Variants in LINGO2 observed in about 807,000 individuals in gnomAD.
LINGO2 encodes the protein leucine rich repeat and Ig domain containing 2, also known as leucine-rich repeat and immunoglobulin-like domain-containing nogo receptor-interacting protein 2.
Under a neutral mutation model 30.6 loss-of-function variants are expected in LINGO2, and 14 were observed. The observed-to-expected ratio is 0.46, with a 90% confidence interval of 0.30 to 0.72. LINGO2 has a LOEUF of 0.72. LINGO2 is among the 30% of genes least tolerant of loss of function. The pLI is 0.07. For synonymous variants in LINGO2, 317 were observed against 288.5 expected (o/e 1.10, Z -1.00); for missense variants, 729 against 751.7 (o/e 0.97, Z 0.35).
chr9:28,421,438 T>A (rs1823192886), intron 2 of LINGO2, among the ~76,000 whole-genome samples: 1 of 149,344 alleles, frequency 6.7e-6, no homozygotes, highest in Admixed American at 6.7e-5. Context: ...AAAGCCATCC[T>A]AAAATTCATT....
At chr9:28,979,882 G>A in the LINGO2 span, among the ~76,000 whole-genome samples, 2 of 151,906 alleles carry the variant, frequency 1.3e-5, no homozygotes, top group Admixed American at 1.3e-4. Flanking sequence ...ACATTATATT[G>A]CCGTTCAAAT....
the LINGO2 span, among the ~76,000 whole-genome samples, chr9:28,760,681 G>A: frequency 6.6e-6 from 1 of 151,320 alleles, no homozygotes; most frequent in South Asian, 2.1e-4. Flanking sequence ...AGTCCCCAAA[G>A]TCCATTGTAT....
intron 5 of LINGO2, among the ~76,000 whole-genome samples, chr9:27,989,301 T>G (rs1393401094): frequency 6.6e-6 from 1 of 151,980 alleles, no homozygotes; most frequent in African/African-American, 2.4e-5. Context: ...GTATGCTGAT[T>G]TGTTCATTTT....
At chr9:28,997,670 C>A in the LINGO2 span, among the ~76,000 whole-genome samples, 97,418 of 151,656 alleles carry the variant, frequency 0.64, 32,071 homozygotes, top group Non-Finnish European at 0.72. Context: ...AAAAATACAA[C>A]AAATTAGCTG....
At chr9:29,184,012 A>T in the LINGO2 span, among the ~76,000 whole-genome samples, 1 of 152,104 alleles carries the variant, frequency 6.6e-6, no homozygotes, top group Non-Finnish European at 1.5e-5. Flanking sequence ...AAATAAAGTT[A>T]ATTTAATAAG....
At chr9:28,145,029 G>A (rs934366370) in intron 4 of LINGO2, among the ~76,000 whole-genome samples, 7 of 152,166 alleles carry the variant, frequency 4.6e-5, no homozygotes, top group Admixed American at 2.6e-4. Flanking sequence ...ATGTGCATGA[G>A]GTGCTTTCTG....
chr9:28,787,541 C>T, the LINGO2 span, among the ~76,000 whole-genome samples: 1 of 152,022 alleles, frequency 6.6e-6, no homozygotes, highest in African/African-American at 2.4e-5. Context: ...ATATTTATGT[C>T]AAAAAATCTA....
At chr9:28,533,355 T>C (rs1033543601) in intron 1 of LINGO2, among the ~76,000 whole-genome samples, 1 of 152,130 alleles carries the variant, frequency 6.6e-6, no homozygotes, top group Non-Finnish European at 1.5e-5. Flanking sequence ...ACGGGCTTCC[T>C]GATTCTTCAG....
At chr9:28,997,689 A>G in the LINGO2 span, among the ~76,000 whole-genome samples, 4 of 151,964 alleles carry the variant, frequency 2.6e-5, no homozygotes, top group African/African-American at 7.2e-5. Context: ...TGGGCATGGT[A>G]GTGGGCACCT....
At chr9:28,858,125 G>A in the LINGO2 span, among the ~76,000 whole-genome samples, 1 of 151,896 alleles carries the variant, frequency 6.6e-6, no homozygotes, top group Non-Finnish European at 1.5e-5. Flanking sequence ...GCCCTCTGTG[G>A]TGTTTCCATG....
intron 4 of LINGO2, among the ~76,000 whole-genome samples, chr9:28,208,943 ACT>A (rs946217412): frequency 6.6e-6 from 1 of 151,372 alleles, no homozygotes; most frequent in African/African-American, 2.4e-5. Context: ...ACTCTTATTA[ACT>A]CTCTTCTTTG....
rs944283152 is a variant in LINGO2, at chr9:28,390,024, T to C, written c.-278-17156A>G. On this transcript the variant is annotated intron_variant, in intron 2 of 5. Coordinates refer to ENST00000379992, the Ensembl canonical transcript of LINGO2. ...CCTTAAAGAGCCATTACACCAATAA[T>C]AGTTACTTATTTTTTTTTAGTGTCT... 2.0e-5 allele frequency among the ~76,000 whole-genome samples: 3 copies of C among 152,160 alleles called. No individual in the cohort carries two copies. In the East Asian group the frequency reaches 5.8e-4, roughly 29 times the overall value.
At chr9:28,977,650 A>C in the LINGO2 span, among the ~76,000 whole-genome samples, 1 of 152,178 alleles carries the variant, frequency 6.6e-6, no homozygotes, top group East Asian at 1.9e-4. Context: ...TTTGTATATA[A>C]GTATACATCA....
chr9:28,658,917 A>G (rs77469319), intron 1 of LINGO2, among the ~76,000 whole-genome samples: 3,963 of 152,204 alleles, frequency 0.026, 167 homozygotes, highest in African/African-American at 0.089. Context: ...GGGTTAAGAG[A>G]TATAATGCCT....
At chr9:28,423,295 A>T (rs777233512) in intron 2 of LINGO2, among the ~76,000 whole-genome samples, 5 of 152,104 alleles carry the variant, frequency 3.3e-5, no homozygotes, top group Non-Finnish European at 7.4e-5. Flanking sequence ...ATGTCAGAAC[A>T]GATCCCATCT....
chr9:28,762,340 A>T, the LINGO2 span, among the ~76,000 whole-genome samples: 3 of 152,196 alleles, frequency 2.0e-5, 1 homozygote, highest in South Asian at 6.2e-4. Context: ...GGGAAGTGTA[A>T]CAGTGAAAAG....
chr9:28,370,254 T>A (rs1240187483), intron 3 of LINGO2, among the ~76,000 whole-genome samples: 3 of 152,206 alleles, frequency 2.0e-5, no homozygotes, highest in African/African-American at 7.2e-5. Context: ...GTCGCTCTAA[T>A]GGTTTACCCT....
At chr9:28,614,126 A>C (rs762844056) in intron 1 of LINGO2, among the ~76,000 whole-genome samples, 9 of 152,156 alleles carry the variant, frequency 5.9e-5, no homozygotes, top group African/African-American at 1.2e-4. Flanking sequence ...TTGGTCAAAG[A>C]AACTGCATGA....
At chr9:28,570,930 G>T (rs115790075) in intron 1 of LINGO2, among the ~76,000 whole-genome samples, 2,147 of 150,564 alleles carry the variant, frequency 0.014, 13 homozygotes, top group African/African-American at 0.024. Flanking sequence ...CTTTTAAATT[G>T]TAACAACAAA....
Sources: allele counts gnomAD v4.1 joint callset (sites outside exome capture counted in the v4.1 genomes callset), GRCh38; gene constraint gnomAD v4.1.1; transcripts MANE v1.5; gene names NCBI Gene and HGNC (gene_info 2026-07-23, HGNC 2026-07-21).